Variants in TET3 observed in about 807,000 individuals in gnomAD.
The protein encoded by TET3 is tet methylcytosine dioxygenase 3.
Under a neutral mutation model 141.4 loss-of-function variants are expected in TET3, and 19 were observed. The ratio of observed to expected loss-of-function variants is 0.13; its 90% CI spans 0.09 to 0.20. The LOEUF (loss-of-function observed/expected upper bound fraction) is 0.20. Among genes scored for constraint, TET3 ranks in the 10% least tolerant of loss-of-function variants. TET3 has a pLI of 1.00. For synonymous variants in TET3, 1,043 were observed against 980.9 expected (o/e 1.06, Z -1.18); for missense variants, 1,874 against 2,356.9 (o/e 0.80, Z 4.24).
Position 74,046,195 on chromosome 2 carries a change from A to T in TET3, c.361-83A>T. 7.7e-7 allele frequency: 1 copy of T among 1,301,352 alleles called. No homozygotes were observed. Among genetic ancestry groups the T allele is most frequent in the Non-Finnish European group, 1.0e-6 (1 of 989,178 alleles). 80.6% of individuals were successfully genotyped at this position (1,301,352 alleles called of 1,614,324 possible). ...CAAGAAAAGTTGGGGTCAGATGTGC[A>T]CCTGAGTGGTATGAAGCAGGGAAAT... is the stretch of plus-strand genomic sequence containing the variant. On this transcript the variant is annotated intron_variant, in intron 3 of 11. Coordinates refer to ENST00000409262, the MANE Select transcript of TET3 (RefSeq NM_001287491.2). This position sits in a 1 kb window ranked among gnomAD's most constrained non-coding sequence, Gnocchi z 4.3.
At chr2:74,069,663 T>C (rs1689100181) in intron 4 of TET3, among the ~76,000 whole-genome samples, 1 of 151,952 alleles carries the variant, frequency 6.6e-6, no homozygotes, top group Non-Finnish European at 1.5e-5. Context: ...CATAGCTCAC[T>C]GCAGCCTTGA....
At chr2:74,005,026 G>C (rs1035719881) in intron 3 of TET3, among the ~76,000 whole-genome samples, 1 of 152,156 alleles carries the variant, frequency 6.6e-6, no homozygotes, top group Non-Finnish European at 1.5e-5. Flanking sequence ...TTCCCTCTCT[G>C]CTGGGAGAAA....
At chr2:74,009,681 C>T (rs1292506298) in intron 3 of TET3, among the ~76,000 whole-genome samples, 1 of 152,226 alleles carries the variant, frequency 6.6e-6, no homozygotes. Context: ...CCTAGTCCTG[C>T]CCCTTGTGCT....
At chr2:74,116,648 T>C in the TET3 span, among the ~76,000 whole-genome samples, 7 of 148,360 alleles carry the variant, frequency 4.7e-5, no homozygotes, top group East Asian at 1.2e-3. Flanking sequence ...TAGCGCCACT[T>C]CACTCCAGCC....
At chr2:74,030,154 T>C (rs1686601321) in intron 3 of TET3, among the ~76,000 whole-genome samples, 1 of 152,230 alleles carries the variant, frequency 6.6e-6, no homozygotes, top group Non-Finnish European at 1.5e-5. Flanking sequence ...TACATAATTA[T>C]GTATGCATAT....
chr2:74,090,032 G>A lies in TET3; in HGVS notation c.3024G>A (p.Gly1008=). Residue 1008 remains glycine, a synonymous_variant, in exon 8 of 12, where the codon GGG becomes GGA. Transcript: ENST00000409262. ...CACCTCGCAAGTTCCGCCTCGCAGG[G>A]GACAATCCCAAAGAGGTGAGCAGAG... ...SKTPRKFRLA[G]DNPKEEEVLR... is the part of the protein sequence containing the mutation. The A allele has an allele frequency of 6.2e-7, 1 of 1,614,004 alleles. No homozygotes were observed. The highest frequency in any genetic ancestry group is 1.3e-5 in the African/African-American group (1 of 75,048).
At chr2:74,083,203 G>A (rs1185962440) in intron 6 of TET3, among the ~76,000 whole-genome samples, 1 of 152,218 alleles carries the variant, frequency 6.6e-6, no homozygotes, top group Non-Finnish European at 1.5e-5. Flanking sequence ...AAGGTGGCCT[G>A]TACAAAATAC....
At chr2:74,100,292 C>G (rs1691108511) in intron 11 of TET3, 101 bp from the exon 12 acceptor site, 2 of 1,265,882 alleles carry the variant, frequency 1.6e-6, no homozygotes, top group Admixed American at 2.2e-5. Context: ...GAGGAAACAT[C>G]CCTGGGAAAG....
chr2:74,068,042 G>C (rs1488572499), intron 4 of TET3, among the ~76,000 whole-genome samples: 2 of 152,190 alleles, frequency 1.3e-5, no homozygotes, highest in African/African-American at 2.4e-5. Context: ...GGAGACCATG[G>C]TGATAATTGA....
In TET3 at chr2:74,058,020, A is replaced by G. The variant is rs79322771; in HGVS notation, c.2494+9609A>G. On this transcript the variant is annotated intron_variant, in intron 4 of 11. Coordinates refer to ENST00000409262, the MANE Select transcript of TET3 (RefSeq NM_001287491.2). ...TTTATATCTTCAGGGAAGTTGAAGA[A>G]AACAGTCGCTATCAAATAAAAAATG... 7.5e-3 allele frequency among the ~76,000 whole-genome samples: 1,145 copies of G among 152,354 alleles called. 7 individuals carry two copies. The highest frequency in any genetic ancestry group is 0.012 in the Non-Finnish European group (826 of 68,042).
At chr2:74,077,623 T>C (rs533143276) in intron 5 of TET3, among the ~76,000 whole-genome samples, 1 of 139,618 alleles carries the variant, frequency 7.2e-6, no homozygotes, top group Admixed American at 6.8e-5. Flanking sequence ...GTTCTGTTTT[T>C]GTTTTTGTTT....
chr2:74,059,284 G>A (rs980133340), intron 4 of TET3, among the ~76,000 whole-genome samples: 14 of 152,044 alleles, frequency 9.2e-5, no homozygotes, highest in African/African-American at 2.9e-4. Flanking sequence ...ACGGAGTCTC[G>A]CTGTGTTGAC....
At chr2:74,074,190 T>C (rs1249009223) in intron 5 of TET3, among the ~76,000 whole-genome samples, 1 of 152,200 alleles carries the variant, frequency 6.6e-6, no homozygotes, top group Non-Finnish European at 1.5e-5. Context: ...TTTCTTGATT[T>C]CTCATATGAC....
intron 2 of TET3, among the ~76,000 whole-genome samples, chr2:73,987,536 G>A (rs899504141): frequency 1.3e-5 from 2 of 152,220 alleles, no homozygotes; most frequent in East Asian, 1.9e-4. Context: ...GGTGACAGCC[G>A]CGACAGCAGA....
chr2:74,003,804 C>T (rs1041591089), intron 3 of TET3, among the ~76,000 whole-genome samples: 1 of 120,796 alleles, frequency 8.3e-6, no homozygotes, highest in Non-Finnish European at 1.6e-5. Context: ...TTCCCAGGTG[C>T]GTGGGAAGCA....
intron 4 of TET3, among the ~76,000 whole-genome samples, chr2:74,061,710 T>C (rs1688591441): frequency 9.6e-6 from 1 of 104,150 alleles, no homozygotes; most frequent in African/African-American, 4.0e-5. Flanking sequence ...ACGGGGCAGC[T>C]GCCGGGCGGA....
intron 2 of TET3, among the ~76,000 whole-genome samples, chr2:73,996,929 C>T (rs1368534160): frequency 6.6e-6 from 1 of 152,262 alleles, no homozygotes; most frequent in African/African-American, 2.4e-5. Flanking sequence ...TGCCTGCTTG[C>T]TTCAGGTAGC....
At chr2:74,086,832 T>C (rs974524237) in intron 6 of TET3, among the ~76,000 whole-genome samples, 1 of 137,900 alleles carries the variant, frequency 7.3e-6, no homozygotes, top group Non-Finnish European at 1.6e-5. Flanking sequence ...AGAAATAAAA[T>C]CTAACATTTT....
At chr2:74,071,736 A>G (rs1689214273) in intron 4 of TET3, among the ~76,000 whole-genome samples, 1 of 152,186 alleles carries the variant, frequency 6.6e-6, no homozygotes, top group Non-Finnish European at 1.5e-5. Flanking sequence ...ATATGAAGCA[A>G]ACTTACCAAC....
Sources: gnomAD v4.1 joint callset for allele counts (sites outside exome capture counted in the v4.1 genomes callset) on GRCh38, gnomAD v4.1.1 for gene constraint, Gnocchi (gnomAD v3.1) non-coding constraint, MANE v1.5 for transcripts, NCBI Gene and HGNC (gene_info 2026-07-23, HGNC 2026-07-21) for gene names.